The following PFKM variants were observed in gnomAD, a reference collection of about 807,000 sequenced individuals.
PFKM encodes ATP-dependent 6-phosphofructokinase, muscle type.
A neutral mutation model predicts 95.5 loss-of-function variants in PFKM; 58 were observed. That is an observed-to-expected ratio of 0.61 (90% CI 0.49 to 0.76). The LOEUF is 0.76. PFKM is among the 30% of genes least tolerant of loss of function. PFKM has a pLI of 0.00. For missense variants in PFKM, 678 were observed against 1,005.4 expected, an observed-to-expected ratio of 0.67 and a Z score of 4.40; for synonymous variants, 336 against 357.2, an observed-to-expected ratio of 0.94 and a Z score of 0.67.
chr12:48,143,004 C>A, intron 18 of PFKM, 58 bp downstream of exon 18: 1 of 1,517,760 alleles, frequency 6.6e-7, no homozygotes, highest in Non-Finnish European at 9.1e-7. Flanking sequence ...ACTGTTTCCA[C>A]AGTGATCTGA....
chr12:48,140,701 T>A (rs560773922), intron 13 of PFKM, 21 bp from the exon 14 acceptor site: 3 of 1,613,974 alleles, frequency 1.9e-6, no homozygotes, highest in African/African-American at 1.3e-5. Flanking sequence ...TCCTCATTTT[T>A]CCCTGCTTCC....
In PFKM at chr12:48,139,863, A is replaced by T; in HGVS notation, c.1142A>T (p.Asn381Ile). Residue 381 changes from asparagine (N) to isoleucine (I), a missense_variant, in exon 13 of 23, where the codon AAC becomes ATC. By Grantham distance (149) the Asn-to-Ile change is moderately radical (BLOSUM62 -3). Transcript: ENST00000359794. ...ACTTCCTACAGGAGCTTCATGAACA[A>T]CTGGGAGGTGTACAAGCTTCTAGCT... is the stretch of plus-strand genomic sequence containing the variant. ...LKLRGRSFMN[N>I]WEVYKLLAHV... 6.2e-7 allele frequency: 1 copy of T among 1,611,684 alleles called. No individual in the cohort carries two copies. The highest frequency in any genetic ancestry group is 1.7e-4 in the Middle Eastern group (1 of 6,060).
Position 48,133,005 on chromosome 12 carries a change from T to C in PFKM, c.375T>C (p.Ala125=), listed in dbSNP as rs748925843. 4 of 1,614,108 alleles carry C rather than the reference T, an allele frequency of 2.5e-6. No individual in the cohort carries two copies. Among genetic ancestry groups the C allele is most frequent in the Non-Finnish European group, 3.4e-6 (4 of 1,180,052 alleles). The change falls in exon 5 of 23, where the codon GCT becomes GCC. Residue 125 remains alanine, a synonymous_variant. Transcript: ENST00000359794. ...VIGGDGSLTG[A]DTFRSEWSDL... The stretch of plus-strand genomic sequence containing the variant: ...GGGGTGATGGCAGCCTCACTGGGGC[T>C]GACACCTTCCGTTCTGAGTGGAGTG...
chr12:48,107,605 G>A lies in PFKM; in HGVS notation c.82+150G>A, dbSNP rs899224270. On this transcript the variant is annotated intron_variant, in intron 2 of 24. Transcript: ENST00000340802. ...CACATTCTCACTTTGATAAAATATT[G>A]ATCACTGAGTCGTGTATTTTCCAGG... 3 of 638,530 alleles carry A rather than the reference G, an allele frequency of 4.7e-6. 1 individual carries two copies. In the Admixed American group the frequency reaches 8.0e-5, roughly 17 times the overall value. 39.6% of individuals were successfully genotyped at this position (638,530 alleles called of 1,614,324 possible).
upstream of PFKM, chr12:48,118,692 C>A: frequency 1.5e-6 from 1 of 666,858 alleles, no homozygotes; most frequent in Non-Finnish European, 2.7e-6. Context: ...TGCCAGAATC[C>A]CGCCCCCATC....
chr12:48,133,576 G>T, intron 6 of PFKM, 96 bp downstream of exon 6: 1 of 1,170,404 alleles, frequency 8.5e-7, no homozygotes, highest in Non-Finnish European at 1.3e-6. Flanking sequence ...TTGAGCTATG[G>T]TGACTATAAT....
At chr12:48,136,678 T>A (rs181737473) in intron 10 of PFKM, among the ~76,000 whole-genome samples, 12 of 150,906 alleles carry the variant, frequency 8.0e-5, no homozygotes, top group Admixed American at 6.6e-4. Context: ...CTTACCAGCA[T>A]TTGGGGGTCG....
chr12:48,134,397 G>A, intron 7 of PFKM, 121 bp downstream of exon 7: 3 of 877,194 alleles, frequency 3.4e-6, no homozygotes, highest in Non-Finnish European at 5.8e-6. Context: ...TGCTCCTTGT[G>A]GTGTGGTTCC....
At position 48,143,813 on chromosome 12, in the gene PFKM, A is replaced by G. The variant is rs1435989904; in HGVS notation, c.1879A>G (p.Arg627Gly). 1.2e-6 allele frequency: 2 copies of G among 1,608,216 alleles called. No homozygotes were observed. Among genetic ancestry groups the G allele is most frequent in the Admixed American group, 1.7e-5 (1 of 60,004 alleles). ...KTTVKRGLVL[R>G]NEKCNENYTT... is the part of the protein sequence containing the mutation. ...AACTGTGAAAAGGGGCTTGGTGTTA[A>G]GGTACCTCATCCATGGTTTGTTCCT... The change falls in exon 19 of 23, where the codon AGG (arginine) becomes GGG (glycine). Residue 627 changes from arginine (R) to glycine (G), a missense_variant and splice_region_variant. Physicochemically the swap from Arg to Gly is moderately radical, Grantham distance 125. Coordinates refer to ENST00000359794, the MANE Select transcript of PFKM (RefSeq NM_000289.6).
At chr12:48,125,007 A>G (rs1225326116) in intron 2 of PFKM, among the ~76,000 whole-genome samples, 1 of 152,176 alleles carries the variant, frequency 6.6e-6, no homozygotes, top group East Asian at 1.9e-4. Flanking sequence ...TGTAAAATCC[A>G]TAGAGGTCAC....
At chr12:48,122,241 C>A (rs1286457455) in intron 1 of PFKM, among the ~76,000 whole-genome samples, 1 of 152,178 alleles carries the variant, frequency 6.6e-6, no homozygotes, top group Non-Finnish European at 1.5e-5. Context: ...AACTCCATAT[C>A]ACCTAACCCC....
chr12:48,118,533 A>G (rs1253944478), upstream of PFKM: 6 of 1,526,368 alleles, frequency 3.9e-6, no homozygotes, highest in East Asian at 7.3e-5. Flanking sequence ...GCAGTGGTAA[A>G]AGCAAGAGGA....
chr12:48,138,974 G>T (rs931957154), intron 11 of PFKM, among the ~76,000 whole-genome samples: 1 of 152,110 alleles, frequency 6.6e-6, no homozygotes, highest in Non-Finnish European at 1.5e-5. Context: ...CGGGAGGCAG[G>T]GGGTTGCAGT....
intron 13 of PFKM, among the ~76,000 whole-genome samples, chr12:48,140,468 T>C (rs1950485719): frequency 6.6e-6 from 1 of 152,196 alleles, no homozygotes; most frequent in Non-Finnish European, 1.5e-5. Context: ...TCTCATTCAT[T>C]GTATAATAAT....
Position 48,145,400 on chromosome 12 carries a change from CTTT to C in PFKM, c.2198+95_2198+97del. On this transcript the variant is annotated intron_variant, in intron 22 of 22. Coordinates refer to ENST00000359794, the MANE Select transcript of PFKM (RefSeq NM_000289.6). This position sits in a 1 kb window ranked among gnomAD's most constrained non-coding sequence, Gnocchi z 4.3. ...CTCAACCTGTTCACTGTCTTTAATT[CTTT>C]TTTTTTTTTAAGGAGTAACACCTGT... The C allele has an allele frequency of 5.3e-6, 6 of 1,131,718 alleles. No homozygotes were observed. Among genetic ancestry groups the C allele is most frequent in the Middle Eastern group, 2.3e-4 (1 of 4,442 alleles). The allele number at this position is 1,131,718 out of a possible 1,614,324, so 70.1% of individuals were successfully genotyped here. A position where few individuals can be genotyped will look rare whatever the true frequency, so the allele number is the denominator to read the frequency against.
chr12:48,109,602 A>G (rs1947014631), intron 3 of PFKM, among the ~76,000 whole-genome samples: 1 of 152,086 alleles, frequency 6.6e-6, no homozygotes, highest in Admixed American at 6.5e-5. Flanking sequence ...CTTTGCTCTG[A>G]TGACTCATTT....
chr12:48,135,130 C>A, intron 9 of PFKM, 92 bp downstream of exon 9: 1 of 1,143,320 alleles, frequency 8.7e-7, no homozygotes, highest in South Asian at 1.3e-5. Flanking sequence ...CCCCTTGGTC[C>A]TTCTGCACAT....
intron 1 of PFKM, chr12:48,119,658 C>G (rs1040826537): frequency 6.6e-6 from 1 of 152,520 alleles, no homozygotes; most frequent in African/African-American, 2.4e-5. Context: ...GGGGCTCGGA[C>G]GGGTTGCCCT....
chr12:48,121,136 T>C (rs1234317423), intron 1 of PFKM, among the ~76,000 whole-genome samples: 1 of 152,208 alleles, frequency 6.6e-6, no homozygotes, highest in Admixed American at 6.5e-5. Flanking sequence ...GAAGGTTTCC[T>C]TGACCTGTGG....
Sources: gnomAD v4.1 joint callset for allele counts (sites outside exome capture counted in the v4.1 genomes callset) on GRCh38, gnomAD v4.1.1 for gene constraint, Gnocchi (gnomAD v3.1) non-coding constraint, MANE v1.5 for transcripts, NCBI Gene and HGNC (gene_info 2026-07-23, HGNC 2026-07-21) for gene names.